The following ARID5B variants were observed in gnomAD, a reference collection of about 807,000 sequenced individuals.
ARID5B encodes the protein AT-rich interaction domain 5B.
In ARID5B, 13 loss-of-function variants were observed where a neutral mutation model predicts 97.2. The ratio of observed to expected loss-of-function variants is 0.13; its 90% confidence interval spans 0.09 to 0.21. The LOEUF is 0.21. Ranked by LOEUF, ARID5B falls within the 10% of genes least tolerant of loss-of-function variation. The probability of loss-of-function intolerance (pLI) is 1.00; values close to 1 mark genes in which losing one functional copy is unlikely to be tolerated. For synonymous variants in ARID5B, 556 were observed against 570.3 expected, an observed-to-expected ratio of 0.97 and a Z score of 0.36; for missense variants, 1,210 against 1,465.3, an observed-to-expected ratio of 0.83 and a Z score of 2.84.
chr10:62,024,937 T>A (rs2132895973), intron 4 of ARID5B: 1 of 305,486 alleles, frequency 3.3e-6, no homozygotes, highest in Non-Finnish European at 6.0e-6. Flanking sequence ...TACATATAAG[T>A]GCCCTACTGG....
chr10:61,966,052 TA>T (rs1300723582), intron 3 of ARID5B, among the ~76,000 whole-genome samples: 2 of 152,110 alleles, frequency 1.3e-5, no homozygotes, highest in Non-Finnish European at 2.9e-5. Context: ...TTGCAGAAAG[TA>T]AAGATATGCA....
At chr10:61,962,045 G>A (rs925672475) in intron 3 of ARID5B, among the ~76,000 whole-genome samples, 7 of 152,204 alleles carry the variant, frequency 4.6e-5, no homozygotes, top group African/African-American at 7.2e-5. Flanking sequence ...CATCGCACCC[G>A]GCCTTCTCGG....
intron 4 of ARID5B, among the ~76,000 whole-genome samples, chr10:62,015,297 C>T (rs1839269495): frequency 1.3e-5 from 2 of 152,162 alleles, no homozygotes; most frequent in Non-Finnish European, 2.9e-5. Context: ...GGGATTGTTA[C>T]CTTCTCTGGT....
At chr10:62,005,566 T>C (rs1589254859) in intron 4 of ARID5B, among the ~76,000 whole-genome samples, 1 of 152,346 alleles carries the variant, frequency 6.6e-6, no homozygotes, top group Non-Finnish European at 1.5e-5. Context: ...TTTTACAGTA[T>C]GTTTTTAAAG....
intron 8 of ARID5B, among the ~76,000 whole-genome samples, chr10:62,079,460 T>C (rs1423536580): frequency 2.0e-5 from 3 of 152,206 alleles, no homozygotes; most frequent in Non-Finnish European, 2.9e-5. Context: ...TAATGCGTGG[T>C]GGTGGCTGTT....
chr10:62,002,658 A>G (rs920733052), intron 4 of ARID5B, among the ~76,000 whole-genome samples: 2 of 152,214 alleles, frequency 1.3e-5, no homozygotes, highest in Non-Finnish European at 2.9e-5. Flanking sequence ...ACATGGGTTA[A>G]AGTGTTTGTT....
intron 8 of ARID5B, among the ~76,000 whole-genome samples, chr10:62,077,525 C>A (rs1840154022): frequency 7.5e-6 from 1 of 133,042 alleles, no homozygotes; most frequent in South Asian, 2.5e-4. Context: ...TTGTTTGACC[C>A]CCCCCAAAAA....
At chr10:62,012,331 G>A (rs1417082624) in intron 4 of ARID5B, among the ~76,000 whole-genome samples, 2 of 151,988 alleles carry the variant, frequency 1.3e-5, no homozygotes, top group South Asian at 2.1e-4. Flanking sequence ...GACCAGCCTG[G>A]GCAACATCCC....
chr10:61,996,390 T>G (rs1354563454), intron 3 of ARID5B, among the ~76,000 whole-genome samples: 1 of 152,146 alleles, frequency 6.6e-6, no homozygotes, highest in African/African-American at 2.4e-5. Flanking sequence ...CATTTTATCC[T>G]AATGAAAAGT....
chr10:62,074,743 A>G (rs748378043), intron 8 of ARID5B, among the ~76,000 whole-genome samples: 2 of 152,200 alleles, frequency 1.3e-5, no homozygotes, highest in African/African-American at 2.4e-5. Flanking sequence ...TCAGAATTGT[A>G]TATTTAAGAG....
chr10:61,979,808 T>A (rs1019399801), intron 3 of ARID5B, among the ~76,000 whole-genome samples: 3 of 152,144 alleles, frequency 2.0e-5, no homozygotes, highest in South Asian at 2.1e-4. Flanking sequence ...AAATATGTTT[T>A]AGGCCGAGCG....
At chr10:61,945,318 AT>A (rs1268118919) in intron 3 of ARID5B, among the ~76,000 whole-genome samples, 1 of 152,160 alleles carries the variant, frequency 6.6e-6, no homozygotes, top group Non-Finnish European at 1.5e-5. Context: ...AATGAGAGCA[AT>A]GAATTCTTAA....
intron 4 of ARID5B, among the ~76,000 whole-genome samples, chr10:62,020,799 G>A (rs1031704720): frequency 6.6e-6 from 1 of 151,934 alleles, no homozygotes; most frequent in Non-Finnish European, 1.5e-5. Context: ...GATTTAATGG[G>A]TGAATATTAC....
intron 4 of ARID5B, among the ~76,000 whole-genome samples, chr10:62,011,147 C>T (rs1356799253): frequency 1.3e-5 from 2 of 152,142 alleles, no homozygotes; most frequent in African/African-American, 2.4e-5. Context: ...CCTAGAAAGG[C>T]AAGTTCATAA....
chr10:62,011,364 T>G (rs1220374594), intron 4 of ARID5B, among the ~76,000 whole-genome samples: 5 of 152,192 alleles, frequency 3.3e-5, no homozygotes, highest in Admixed American at 2.0e-4. Flanking sequence ...CTTTTGAGAT[T>G]TGTCTTTTCT....
At chr10:62,051,075 C>A in intron 5 of ARID5B, 75 bp downstream of exon 5, 1 of 1,252,446 alleles carries the variant, frequency 8.0e-7, no homozygotes, top group Non-Finnish European at 1.2e-6. Flanking sequence ...TCTCTCTGTG[C>A]CTGTGTCTTG....
intron 9 of ARID5B, among the ~76,000 whole-genome samples, chr10:62,086,400 G>A (rs956535807): frequency 5.9e-5 from 9 of 151,948 alleles, no homozygotes. Flanking sequence ...GAAGAGCGTG[G>A]GCAACATGGT....
chr10:62,015,869 CA>C (rs1171571283), intron 4 of ARID5B, among the ~76,000 whole-genome samples: 5 of 152,178 alleles, frequency 3.3e-5, no homozygotes, highest in Non-Finnish European at 5.9e-5. Flanking sequence ...GTGATCCGCC[CA>C]CCTTGGCCTC....
At chr10:61,929,687 G>A (rs1356657352) in intron 2 of ARID5B, among the ~76,000 whole-genome samples, 1 of 152,108 alleles carries the variant, frequency 6.6e-6, no homozygotes, top group South Asian at 2.1e-4. Flanking sequence ...TCATTCTTAT[G>A]GTCCAAAGCT....
Sources: allele counts gnomAD v4.1 joint callset (sites outside exome capture counted in the v4.1 genomes callset), GRCh38; gene constraint gnomAD v4.1.1; transcripts MANE v1.5; gene names NCBI Gene and HGNC (gene_info 2026-07-23, HGNC 2026-07-21).